Variants in SLC14A1 observed in about 807,000 individuals in gnomAD.
SLC14A1 encodes the protein urea transporter 1.
SLC14A1 carries 36 observed loss-of-function variants against 39.6 expected under a neutral mutation model. The observed-to-expected ratio is 0.91, with a 90% CI of 0.70 to 1.20. The LOEUF (loss-of-function observed/expected upper bound fraction) is 1.20, where lower values mean the gene tolerates loss of function less well. SLC14A1 is among the 50% of genes most tolerant of loss of function. The pLI, the probability that SLC14A1 is intolerant of heterozygous loss-of-function variation, is 0.00. For missense variants in SLC14A1, 469 were observed against 478.7 expected (o/e 0.98, Z 0.19); for synonymous variants, 164 against 173.6 (o/e 0.94, Z 0.43).
At chr18:45,734,825 C>A (rs2047140167) in intron 5 of SLC14A1, among the ~76,000 whole-genome samples, 1 of 152,030 alleles carries the variant, frequency 6.6e-6, no homozygotes, top group Non-Finnish European at 1.5e-5. Context: ...GGAAGAGGAG[C>A]AGGAGGAGGA....
chr18:45,728,714 G>T (rs977456866), intron 2 of SLC14A1, among the ~76,000 whole-genome samples: 1 of 152,140 alleles, frequency 6.6e-6, no homozygotes, highest in African/African-American at 2.4e-5. Flanking sequence ...GCTCCATATG[G>T]ACTTAATTTT....
intron 8 of SLC14A1, among the ~76,000 whole-genome samples, chr18:45,740,433 T>C (rs949972088): frequency 6.6e-6 from 1 of 151,902 alleles, no homozygotes; most frequent in African/African-American, 2.4e-5. Flanking sequence ...GAATATTTCT[T>C]TTTTTATTTT....
intron 2 of SLC14A1, chr18:45,729,592 C>T (rs1457309347): frequency 6.6e-6 from 1 of 152,142 alleles, no homozygotes; most frequent in Non-Finnish European, 1.5e-5. Flanking sequence ...TCCATCTTTC[C>T]CAGTTTCTCT....
At chr18:45,740,329 C>G (rs2047330702) in intron 8 of SLC14A1, among the ~76,000 whole-genome samples, 1 of 152,230 alleles carries the variant, frequency 6.6e-6, no homozygotes, top group East Asian at 1.9e-4. Context: ...CATTCTAAAA[C>G]TTCAGAATGC....
intron 8 of SLC14A1, 141 bp downstream of exon 8, chr18:45,739,803 G>A (rs1186899712): frequency 2.0e-6 from 2 of 997,480 alleles, no homozygotes; most frequent in Non-Finnish European, 3.1e-6. Context: ...GTGTGAACAG[G>A]ACAAGTGACG....
chr18:45,730,956 G>A (rs2047011681), intron 3 of SLC14A1, 59 bp from the exon 4 acceptor site: 2 of 1,486,136 alleles, frequency 1.3e-6, no homozygotes, highest in East Asian at 2.3e-5. Context: ...GGGTGGGCCT[G>A]TGGTTGAAGA....
Position 45,736,576 on chromosome 18 carries a change from C to T in SLC14A1, c.591C>T (p.Phe197=), listed in dbSNP as rs748824511. 4 of 1,614,074 alleles carry T rather than the reference C, an allele frequency of 2.5e-6. No homozygotes were observed. In the East Asian group the frequency reaches 8.9e-5, roughly 36 times the overall value. The change falls in exon 6 of 10, where the codon TTC becomes TTT. Residue 197 remains phenylalanine, a synonymous_variant. Coordinates refer to ENST00000321925, the MANE Select transcript of SLC14A1 (RefSeq NM_015865.7). The part of the protein sequence containing the change: ...YLSATGHYNP[F]FPAKLVIPIT... ...CAGCCACAGGACATTACAATCCATT[C>T]TTTCCAGCCAAACTGGTCATACCTA...
At chr18:45,741,749 T>C (rs185930112) in intron 8 of SLC14A1, among the ~76,000 whole-genome samples, 1 of 152,380 alleles carries the variant, frequency 6.6e-6, no homozygotes, top group African/African-American at 2.4e-5. Context: ...TGAGTTCAGC[T>C]GGGTTGGAAT....
At chr18:45,745,821 G>A (rs1183235014) in intron 8 of SLC14A1, among the ~76,000 whole-genome samples, 1 of 152,154 alleles carries the variant, frequency 6.6e-6, no homozygotes, top group African/African-American at 2.4e-5. Context: ...CTCTGTGCAT[G>A]GATTTTTGAG....
In SLC14A1 at chr18:45,744,402, AT is replaced by A. The variant is rs199768651; in HGVS notation, c.947-3970del. On this transcript the variant is annotated intron_variant, in intron 8 of 9. Transcript: ENST00000321925. ...ATATCTTCATTTTACCTTCATTTAA[AT>A]TTTAGTTTAGCTAGCTACCAAACTC... 4.6e-5 allele frequency among the ~76,000 whole-genome samples: 7 copies of A among 152,318 alleles called. No individual in the cohort carries two copies. The East Asian group carries it at 5.8e-4, about 13-fold the overall frequency.
At chr18:45,734,166 T>C in intron 4 of SLC14A1, 108 bp from the exon 5 acceptor site, 1 of 1,388,496 alleles carries the variant, frequency 7.2e-7, no homozygotes, top group South Asian at 1.2e-5. Flanking sequence ...CCAAATATAA[T>C]CTCATTTTTT....
chr18:45,744,908 C>A (rs2047500107), intron 8 of SLC14A1, among the ~76,000 whole-genome samples: 1 of 152,148 alleles, frequency 6.6e-6, no homozygotes, highest in Non-Finnish European at 1.5e-5. Context: ...GTCCATTGCA[C>A]CGATCACATT....
rs2047365751 is a variant in SLC14A1, at chr18:45,741,116, C to G, written c.946+1454C>G. ...ACTTACCATCCACCTCCAGAGTTATCCCACCGCACTCCTCTGCTTCCCTTT... is the reference window on the plus strand; with the variant it reads ...ACTTACCATCCACCTCCAGAGTTATGCCACCGCACTCCTCTGCTTCCCTTT... On this transcript the variant is annotated intron_variant, in intron 8 of 9. Transcript: ENST00000321925. 2.0e-5 allele frequency: 3 copies of G among 152,246 alleles called. No homozygotes were observed. The South Asian group carries it at 6.2e-4, about 32-fold the overall frequency. 9.4% of individuals were successfully genotyped at this position (152,246 alleles called of 1,614,324 possible). A position where few individuals can be genotyped will look rare whatever the true frequency, so the allele number is the denominator to read the frequency against.
At position 45,738,011 on chromosome 18, in the gene SLC14A1, C is replaced by T. The variant is rs28898880; in HGVS notation, c.664-1152C>T. Among the ~76,000 whole-genome samples the T allele has an allele frequency of 3.8e-3, 572 of 150,286 alleles. 1 individual carries two copies. Among genetic ancestry groups the T allele is most frequent in the Middle Eastern group, 0.014 (4 of 282 alleles). On this transcript the variant is annotated intron_variant, in intron 6 of 9. Transcript: ENST00000321925. ...AAAACAAACAAACAAACAAAAAAAG[C>T]ATATGCCATCTTTGCCAAGTTCCCT... is the stretch of plus-strand genomic sequence containing the variant.
chr18:45,748,011 T>C (rs1479210523), intron 8 of SLC14A1, among the ~76,000 whole-genome samples: 3 of 152,256 alleles, frequency 2.0e-5, no homozygotes, highest in Admixed American at 6.5e-5. Flanking sequence ...TTATTTGCCA[T>C]GGAAGGCCTT....
chr18:45,734,446 A>AC, intron 5 of SLC14A1, 44 bp downstream of exon 5: 2 of 1,608,216 alleles, frequency 1.2e-6, no homozygotes, highest in Non-Finnish European at 1.7e-6. Context: ...GAAAAAAAAA[A>AC]CATGGCAGAA....
intron 6 of SLC14A1, among the ~76,000 whole-genome samples, chr18:45,738,499 C>T (rs1008287606): frequency 6.6e-6 from 1 of 152,170 alleles, no homozygotes; most frequent in Non-Finnish European, 1.5e-5. Context: ...ATGACATTTC[C>T]ATGTATTTTT....
In SLC14A1 at chr18:45,750,850, A is replaced by G. The variant is rs779325096; in HGVS notation, c.*899A>G. On this transcript the variant is annotated 3_prime_UTR_variant, in exon 10 of 10. Coordinates refer to ENST00000321925, the MANE Select transcript of SLC14A1 (RefSeq NM_015865.7). ...AATGCCACAAATGCATAGAATTGTT[A>G]CCAACCTCCAAAGGGCTCTTTAAAA... 7 of 985,304 alleles carry G rather than the reference A, an allele frequency of 7.1e-6. No individual in the cohort carries two copies. The highest frequency in any genetic ancestry group is 8.4e-6 in the Non-Finnish European group (7 of 829,814). 61.0% of individuals were successfully genotyped at this position (985,304 alleles called of 1,614,324 possible).
intron 2 of SLC14A1, 89 bp from the exon 3 acceptor site, chr18:45,730,211 C>A: frequency 7.3e-7 from 1 of 1,367,600 alleles, no homozygotes; most frequent in Non-Finnish European, 1.0e-6. Context: ...ACATAGTGGT[C>A]CAGATCTTCT....
Sources: gnomAD v4.1 joint callset for allele counts (sites outside exome capture counted in the v4.1 genomes callset) on GRCh38, gnomAD v4.1.1 for gene constraint, MANE v1.5 for transcripts, NCBI Gene and HGNC (gene_info 2026-07-23, HGNC 2026-07-21) for gene names.